TENM1: variants seen among roughly 807,000 people sequenced by gnomAD.
The protein encoded by TENM1 is teneurin-1.
TENM1 carries 35 observed loss-of-function variants against 174.8 expected under a neutral mutation model. The observed-to-expected ratio is 0.20, with a 90% CI of 0.15 to 0.27. The LOEUF is 0.27. Ranked by LOEUF, TENM1 falls within the 10% of genes least tolerant of loss-of-function variation. The pLI is 1.00. For synonymous variants in TENM1, 781 were observed against 798.7 expected, an observed-to-expected ratio of 0.98 and a Z score of 0.37; for missense variants, 1,633 against 2,130.1, an observed-to-expected ratio of 0.77 and a Z score of 4.59.
chrX:125,180,430 A>G, the TENM1 span, among the ~76,000 whole-genome samples: 6 of 102,114 alleles, frequency 5.9e-5, no homozygotes, highest in African/African-American at 1.8e-4. Flanking sequence ...AATCCCAGCA[A>G]TTTTGGGAGG....
exon 24 of TENM1, chrX:124,422,532 C>T (rs1274540534): frequency 4.1e-6 from 5 of 1,210,711 alleles, no homozygotes; most frequent in South Asian, 3.5e-5. Flanking sequence ...TGCGATGATC[C>T]GAACACGCCT....
At chrX:125,203,523 C>A in the TENM1 span, among the ~76,000 whole-genome samples, 7 of 112,080 alleles carry the variant, frequency 6.2e-5, no homozygotes, top group Non-Finnish European at 1.3e-4. Flanking sequence ...GTCCCCAGGG[C>A]CCGCTGGAAG....
At chrX:124,908,353 T>C (rs1603271514) in intron 1 of TENM1, among the ~76,000 whole-genome samples, 1 of 110,687 alleles carries the variant, frequency 9.0e-6, no homozygotes, top group Non-Finnish European at 1.9e-5. Context: ...CCCCAGTGTA[T>C]GACGTTCCCC....
At chrX:124,487,282 T>A in intron 20 of TENM1, 53 bp from the exon 24 acceptor site, 1 of 1,094,530 alleles carries the variant, frequency 9.1e-7, no homozygotes, top group South Asian at 2.0e-5. Context: ...CAGAGAGTCA[T>A]CAGTATCATT....
intron 11 of TENM1, among the ~76,000 whole-genome samples, chrX:124,593,873 T>C (rs1369768994): frequency 8.9e-6 from 1 of 111,793 alleles, no homozygotes; most frequent in Non-Finnish European, 1.9e-5. Context: ...TGAGGTGCTT[T>C]CCGTAGTTCT....
At chrX:124,534,096 T>C (rs1005230566) in intron 15 of TENM1, among the ~76,000 whole-genome samples, 1 of 111,972 alleles carries the variant, frequency 8.9e-6, no homozygotes, top group Non-Finnish European at 1.9e-5. Flanking sequence ...TGCCAAGCTG[T>C]CTACCTGCTG....
chrX:124,990,464 C>A, the TENM1 span, among the ~76,000 whole-genome samples: 1 of 112,872 alleles, frequency 8.9e-6, no homozygotes, highest in African/African-American at 3.2e-5. Context: ...TAAAAAAGAA[C>A]AGCAATAAAT....
intron 3 of TENM1, among the ~76,000 whole-genome samples, chrX:124,824,228 C>T (rs1175410414): frequency 5.4e-5 from 6 of 111,616 alleles, no homozygotes; most frequent in Non-Finnish European, 1.1e-4. Context: ...GAGAAAATTG[C>T]AAACTCCAAA....
chrX:124,723,556 C>T (rs1489291612), intron 4 of TENM1, among the ~76,000 whole-genome samples: 1 of 108,206 alleles, frequency 9.2e-6, no homozygotes, highest in African/African-American at 3.4e-5. Flanking sequence ...TTATCTACGT[C>T]CATCATGAGC....
At chrX:125,201,318 T>C in the TENM1 span, among the ~76,000 whole-genome samples, 7 of 112,428 alleles carry the variant, frequency 6.2e-5, no homozygotes, top group African/African-American at 2.3e-4. Context: ...ATGATAGTTA[T>C]GTATAATACA....
intron 4 of TENM1, among the ~76,000 whole-genome samples, chrX:124,714,062 A>G (rs970401253): frequency 8.9e-6 from 1 of 112,078 alleles, no homozygotes; most frequent in African/African-American, 3.2e-5. Context: ...CTTACTGAAC[A>G]TCTATTATGT....
chrX:125,146,764 C>CT, the TENM1 span, among the ~76,000 whole-genome samples: 1 of 110,740 alleles, frequency 9.0e-6, no homozygotes, highest in Non-Finnish European at 1.9e-5. Context: ...TTGTTTTTGC[C>CT]TCCCCAATGC....
the TENM1 span, among the ~76,000 whole-genome samples, chrX:125,097,350 T>C: frequency 8.9e-6 from 1 of 112,263 alleles, no homozygotes; most frequent in African/African-American, 3.2e-5. Context: ...GAATTAGACA[T>C]AGATTCATTA....
the TENM1 span, among the ~76,000 whole-genome samples, chrX:125,071,375 T>C: frequency 8.9e-6 from 1 of 111,860 alleles, no homozygotes; most frequent in Non-Finnish European, 1.9e-5. Context: ...CTGAGGTCAA[T>C]AGAGATTCAT....
chrX:124,912,505 G>A (rs2147644754), intron 1 of TENM1, among the ~76,000 whole-genome samples: 1 of 110,496 alleles, frequency 9.1e-6, no homozygotes, highest in African/African-American at 3.3e-5. Flanking sequence ...GGGGGGAAGA[G>A]CTCTTCTAGT....
chrX:124,928,889 G>T (rs2058129093), intron 1 of TENM1, among the ~76,000 whole-genome samples: 1 of 111,566 alleles, frequency 9.0e-6, no homozygotes, highest in Non-Finnish European at 1.9e-5. Context: ...ATTTCTTAAT[G>T]TATTGTATTC....
intron 24 of TENM1, among the ~76,000 whole-genome samples, chrX:124,421,356 A>AAT (rs1252268505): frequency 8.9e-6 from 1 of 112,417 alleles, no homozygotes; most frequent in East Asian, 2.8e-4. Context: ...AAATTAGCAA[A>AAT]ATATCTATAA....
At chrX:125,115,651 G>T in the TENM1 span, among the ~76,000 whole-genome samples, 1 of 110,888 alleles carries the variant, frequency 9.0e-6, no homozygotes, top group Non-Finnish European at 1.9e-5. Context: ...GCTACAAAGA[G>T]AATAAAATAC....
At chrX:124,385,835 C>T (rs764033757) in exon 29 of TENM1, 2 of 1,211,405 alleles carry the variant, frequency 1.7e-6, no homozygotes, top group South Asian at 3.5e-5. Flanking sequence ...TAAGACTCTG[C>T]GCCCTGTCCC....
Sources: allele counts gnomAD v4.1 joint callset (sites outside exome capture counted in the v4.1 genomes callset), GRCh38; gene constraint gnomAD v4.1.1; transcripts MANE v1.5; gene names NCBI Gene and HGNC (gene_info 2026-07-23, HGNC 2026-07-21).